The following PLGRKT variants were observed in gnomAD, a reference collection of about 807,000 sequenced individuals.
PLGRKT encodes plasminogen receptor (KT).
Under a neutral mutation model 18.5 loss-of-function variants are expected in PLGRKT, and 22 were observed. The ratio of observed to expected loss-of-function variants is 1.19; its 90% CI spans 0.85 to 1.70. The LOEUF (loss-of-function observed/expected upper bound fraction) is 1.70, where lower values mean the gene tolerates loss of function less well. Among genes scored for constraint, PLGRKT ranks in the 40% most tolerant of loss-of-function variants. PLGRKT has a pLI of 0.00. For missense variants in PLGRKT, 235 were observed against 174.4 expected (o/e 1.35, Z -1.96); for synonymous variants, 72 against 52.8 (o/e 1.36, Z -1.58).
intron 3 of PLGRKT, among the ~76,000 whole-genome samples, chr9:5,402,656 T>C (rs1818177356): frequency 6.6e-6 from 1 of 151,842 alleles, no homozygotes; most frequent in Admixed American, 6.5e-5. Flanking sequence ...AGGAGCCAGG[T>C]GGGCAGGTTG....
At chr9:5,383,741 G>A (rs868771000) in intron 3 of PLGRKT, among the ~76,000 whole-genome samples, 7 of 152,106 alleles carry the variant, frequency 4.6e-5, no homozygotes, top group African/African-American at 1.7e-4. Flanking sequence ...ATCTAATACT[G>A]CCCTTGATCT....
intron 3 of PLGRKT, among the ~76,000 whole-genome samples, chr9:5,431,370 T>C (rs549916088): frequency 2.0e-5 from 3 of 151,666 alleles, no homozygotes; most frequent in African/African-American, 7.3e-5. Flanking sequence ...CTTGTCTCTA[T>C]TAAAAATACA....
At chr9:5,382,003 A>C in intron 3 of PLGRKT, 1 of 985,420 alleles carries the variant, frequency 1.0e-6, no homozygotes, top group Non-Finnish European at 1.2e-6. Flanking sequence ...TTACCCAGTC[A>C]CAAGACTTAG....
chr9:5,392,510 C>T (rs1423328267), intron 3 of PLGRKT: 1 of 151,910 alleles, frequency 6.6e-6, no homozygotes, highest in Non-Finnish European at 1.5e-5. Context: ...TTGCATATGT[C>T]TCATGAATAT....
intron 3 of PLGRKT, among the ~76,000 whole-genome samples, chr9:5,387,946 T>C (rs1309766060): frequency 2.0e-5 from 3 of 151,788 alleles, no homozygotes; most frequent in South Asian, 2.1e-4. Flanking sequence ...TAGATATATT[T>C]GGAATTGGGA....
chr9:5,433,268 C>A (rs1818870567), intron 2 of PLGRKT, among the ~76,000 whole-genome samples: 1 of 150,858 alleles, frequency 6.6e-6, no homozygotes, highest in Non-Finnish European at 1.5e-5. Flanking sequence ...CCTGGCCACC[C>A]CGTCTAGGAA....
intron 5 of PLGRKT, 55 bp from the exon 6 acceptor site, chr9:5,358,415 G>A (rs1271912747): frequency 5.2e-6 from 8 of 1,541,062 alleles, no homozygotes; most frequent in Non-Finnish European, 7.2e-6. Context: ...AGCAATTTGT[G>A]ACAAAGCCTG....
In PLGRKT at chr9:5,382,600, T is replaced by C. The variant is rs189058209; in HGVS notation, c.82-20712A>G. Among the ~76,000 whole-genome samples, 4 of 152,262 alleles carry C rather than the reference T, an allele frequency of 2.6e-5. No individual in the cohort carries two copies. In the East Asian group the frequency reaches 7.7e-4, roughly 29 times the overall value. On this transcript the variant is annotated intron_variant, in intron 3 of 5. Transcript: ENST00000223864. ...GGTAATGGAGGAAGGAGGGCAGGCC[T>C]GGAGGAATTTGCAAGCCATGCTAAA...
intron 2 of PLGRKT, among the ~76,000 whole-genome samples, 172 bp from the exon 3 acceptor site, chr9:5,432,155 A>G: frequency 6.6e-6 from 1 of 152,166 alleles, no homozygotes; most frequent in South Asian, 2.1e-4. Context: ...GCCTGACCTC[A>G]GGCATACTTA....
chr9:5,369,383 C>G (rs1156699468), intron 3 of PLGRKT, among the ~76,000 whole-genome samples: 2 of 152,180 alleles, frequency 1.3e-5, no homozygotes, highest in Admixed American at 1.3e-4. Context: ...ATCAAAACCA[C>G]AATGAGATAC....
chr9:5,428,048 G>A (rs1818736852), intron 3 of PLGRKT, among the ~76,000 whole-genome samples: 1 of 152,080 alleles, frequency 6.6e-6, no homozygotes, highest in South Asian at 2.1e-4. Context: ...ATGACAATGG[G>A]GCAGCAAGCT....
intron 3 of PLGRKT, among the ~76,000 whole-genome samples, chr9:5,374,141 G>A (rs1817581846): frequency 6.6e-6 from 1 of 152,124 alleles, no homozygotes; most frequent in Admixed American, 6.6e-5. Flanking sequence ...ATTTCTAACT[G>A]TCCTTTGGGA....
At chr9:5,433,595 G>C (rs1363505403) in intron 2 of PLGRKT, among the ~76,000 whole-genome samples, 3 of 137,946 alleles carry the variant, frequency 2.2e-5, no homozygotes, top group Admixed American at 7.2e-5. Context: ...AGTGAGGAGC[G>C]TCTCTGCCTG....
chr9:5,435,683 G>C (rs1378497555), intron 2 of PLGRKT, among the ~76,000 whole-genome samples: 1 of 152,238 alleles, frequency 6.6e-6, no homozygotes, highest in African/African-American at 2.4e-5. Flanking sequence ...AGAAGACCTT[G>C]AGTTAGTTGG....
chr9:5,403,357 G>A (rs1467488351), intron 3 of PLGRKT, among the ~76,000 whole-genome samples: 1 of 149,152 alleles, frequency 6.7e-6, no homozygotes, highest in Non-Finnish European at 1.5e-5. Flanking sequence ...CTGAGTAGCT[G>A]GGATTACAGG....
At chr9:5,397,155 T>A (rs1385049724) in intron 3 of PLGRKT, among the ~76,000 whole-genome samples, 1 of 151,998 alleles carries the variant, frequency 6.6e-6, no homozygotes, top group Non-Finnish European at 1.5e-5. Context: ...GGCTTCCTAC[T>A]AGTGGCAACA....
chr9:5,405,683 A>G (rs1818241979), intron 3 of PLGRKT, among the ~76,000 whole-genome samples: 2 of 152,374 alleles, frequency 1.3e-5, no homozygotes, highest in Non-Finnish European at 1.5e-5. Flanking sequence ...AATACTATTT[A>G]GGACACAGGC....
In PLGRKT at chr9:5,358,206, C is replaced by G. The variant is rs752689227; in HGVS notation, c.*33G>C. 2.6e-6 allele frequency: 4 copies of G among 1,552,574 alleles called. No individual in the cohort carries two copies. Among genetic ancestry groups the G allele is most frequent in the Non-Finnish European group, 3.5e-6 (4 of 1,130,386 alleles). On this transcript the variant is annotated 3_prime_UTR_variant, in exon 6 of 6. Transcript: ENST00000223864. The stretch of plus-strand genomic sequence containing the variant: ...AAAACCATGATTCAAGTCAATAATT[C>G]TGTGCTTTGAGATTTGATTGGTAAG...
At chr9:5,435,321 T>A (rs866743707) in intron 2 of PLGRKT, among the ~76,000 whole-genome samples, 9 of 127,728 alleles carry the variant, frequency 7.0e-5, no homozygotes, top group Admixed American at 1.6e-4. Context: ...CAATAAATAC[T>A]AAAAAAAAAA....
Sources: allele counts gnomAD v4.1 joint callset (sites outside exome capture counted in the v4.1 genomes callset), GRCh38; gene constraint gnomAD v4.1.1; transcripts MANE v1.5; gene names NCBI Gene and HGNC (gene_info 2026-07-23, HGNC 2026-07-21).